TAL1: variants seen among roughly 807,000 people sequenced by gnomAD.
TAL1 encodes T-cell acute lymphocytic leukemia protein 1.
In TAL1, 8 loss-of-function variants were observed where a neutral mutation model predicts 17.9. The observed-to-expected ratio is 0.45, with a 90% confidence interval of 0.26 to 0.81. TAL1 has a LOEUF of 0.81. Ranked by LOEUF, TAL1 falls within the 30% of genes least tolerant of loss-of-function variation. The pLI is 0.17. For synonymous variants in TAL1, 223 were observed against 218.6 expected, an observed-to-expected ratio of 1.02 and a Z score of -0.18; for missense variants, 466 against 486.9, an observed-to-expected ratio of 0.96 and a Z score of 0.40.
upstream of TAL1, chr1:47,230,727 A>G (rs1569938093): frequency 1.3e-5 from 2 of 152,288 alleles, no homozygotes; most frequent in Non-Finnish European, 2.9e-5. Flanking sequence ...TGATTATTTT[A>G]ATTAAAATAG....
chr1:47,219,894 G>GGCGCCCCCCCCCCCCCCCCCCCCCCC lies in TAL1; in HGVS notation c.821_822insGGGGGGGGGGGGGGGGGGGGGGGCGC (p.Ala275GlyfsTer179). The GGCGCCCCCCCCCCCCCCCCCCCCCCC allele has an allele frequency of 6.4e-7, 1 of 1,556,036 alleles. No homozygotes were observed. Among genetic ancestry groups the GGCGCCCCCCCCCCCCCCCCCCCCCCC allele is most frequent in the Non-Finnish European group, 8.7e-7 (1 of 1,149,582 alleles). On this transcript the variant is annotated frameshift_variant, in exon 4 of 4. Transcript: ENST00000294339. LOFTEE classifies it high-confidence loss of function. ...CTTGCAGGAGGTCATCTGGGGGCGC[G>GGCGCCCCCCCCCCCCCCCCCCCCCCC]CCGCCCCCTCCCCCACCTCCACCCC...
At chr1:47,217,389 A>T (rs540912095) in exon 4 of TAL1, 250 of 238,304 alleles carry the variant, frequency 1.0e-3, no homozygotes, top group East Asian at 2.7e-3. Flanking sequence ...ACCGTCTCTC[A>T]CACACACACA....
At chr1:47,221,840 CTT>C (rs1186257890) in intron 3 of TAL1, among the ~76,000 whole-genome samples, 1 of 152,204 alleles carries the variant, frequency 6.6e-6, no homozygotes, top group African/African-American at 2.4e-5. Flanking sequence ...CTGATCATCT[CTT>C]TCTCTCTCCT....
exon 2 of TAL1, chr1:47,225,685 G>A (rs1409213596): frequency 7.0e-7 from 1 of 1,426,418 alleles, no homozygotes; most frequent in South Asian, 1.4e-5. Context: ...TCGCGGCGCC[G>A]CCCCCACCGG....
exon 4 of TAL1, chr1:47,217,097 G>T: frequency 4.3e-6 from 1 of 235,196 alleles, no homozygotes; most frequent in East Asian, 6.0e-5. Context: ...AAGACAATCT[G>T]GGCTGGGTGC....
Position 47,219,891 on chromosome 1 carries a change from C to T in TAL1, c.825G>A (p.Ala275=), listed in dbSNP as rs769810586. The change falls in exon 4 of 4, where the codon GCG becomes GCA. Residue 275 remains alanine (A), a synonymous_variant. Transcript: ENST00000294339. ...CGTCTTGCAGGAGGTCATCTGGGGG[C>T]GCGCCGCCCCCTCCCCCACCTCCAC... The T allele has an allele frequency of 1.2e-5, 19 of 1,566,248 alleles. No individual in the cohort carries two copies. The Admixed American group carries it at 1.8e-4, about 15-fold the overall frequency.
chr1:47,217,229 A>AG (rs1263331151), exon 4 of TAL1: 1 of 303,978 alleles, frequency 3.3e-6, no homozygotes, highest in African/African-American at 2.1e-5. Flanking sequence ...AAAAAAAAAA[A>AG]AAGTAAAAAT....
In TAL1 at chr1:47,219,894, G is replaced by GGCGGCCCCCCCCCCCCCCCC; in HGVS notation, c.821_822insGGGGGGGGGGGGGGGGCCGC (p.Ala275GlyfsTer177). ...CTTGCAGGAGGTCATCTGGGGGCGCGCCGCCCCCTCCCCCACCTCCACCCC... is the reference window on the plus strand; with the variant it reads ...CTTGCAGGAGGTCATCTGGGGGCGCGGCGGCCCCCCCCCCCCCCCCCCGCCCCCTCCCCCACCTCCACCCC... On this transcript the variant is annotated frameshift_variant, in exon 4 of 4. Coordinates refer to ENST00000294339, the Ensembl canonical transcript of TAL1. LOFTEE classifies it high-confidence loss of function. 6.4e-7 allele frequency: 1 copy of GGCGGCCCCCCCCCCCCCCCC among 1,556,034 alleles called. No individual in the cohort carries two copies. Among genetic ancestry groups the GGCGGCCCCCCCCCCCCCCCC allele is most frequent in the Non-Finnish European group, 8.7e-7 (1 of 1,149,580 alleles).
chr1:47,222,852 T>C (rs1337527115), intron 3 of TAL1, among the ~76,000 whole-genome samples: 2 of 152,156 alleles, frequency 1.3e-5, no homozygotes, highest in Non-Finnish European at 2.9e-5. Context: ...GCTCTGCCTC[T>C]TCTGCCTATT....
intron 1 of TAL1, 28 bp downstream of exon 2, chr1:47,229,168 C>T (rs759930391): frequency 2.1e-4 from 38 of 178,076 alleles, no homozygotes; most frequent in Non-Finnish European, 4.3e-4. Flanking sequence ...ACACCGTTTC[C>T]ACCGGCACCA....
chr1:47,218,822 T>A (rs1569882697), exon 4 of TAL1: 2 of 236,126 alleles, frequency 8.5e-6, no homozygotes, highest in East Asian at 1.2e-4. Context: ...GGGCTGCGCA[T>A]CTACTCAGCA....
chr1:47,216,730 T>C (rs925461980), exon 4 of TAL1: 1 of 231,522 alleles, frequency 4.3e-6, no homozygotes, highest in African/African-American at 2.2e-5. Flanking sequence ...TAAAAGAATA[T>C]GAATTTGTCT....
At position 47,220,186 on chromosome 1, in the gene TAL1, G is replaced by C; in HGVS notation, c.542-12C>G. The C allele has an allele frequency of 2.0e-6, 3 of 1,529,942 alleles. No homozygotes were observed. Among genetic ancestry groups the C allele is most frequent in the Non-Finnish European group, 2.6e-6 (3 of 1,133,588 alleles). The allele number at this position is 1,529,942 out of a possible 1,614,324, so 94.8% of individuals were successfully genotyped here. On this transcript the variant is annotated splice_polypyrimidine_tract_variant and intron_variant, in intron 3 of 3. Transcript: ENST00000294339. ...TTTGGTGTGGGGACCTGGAGATTAG[G>C]AGGACAAGAGTTAGGAGAATGGGCT...
At chr1:47,217,826 ACT>A (rs1424619000) in exon 4 of TAL1, 10 of 398,330 alleles carry the variant, frequency 2.5e-5, no homozygotes, top group African/African-American at 2.1e-4. Flanking sequence ...TACAGCAATG[ACT>A]CTATCTTTAG....
chr1:47,219,002 C>A, exon 4 of TAL1: 1 of 281,478 alleles, frequency 3.6e-6, no homozygotes, highest in Non-Finnish European at 6.8e-6. Context: ...GGGCTGCAGA[C>A]ATTGTCTCCA....
intron 3 of TAL1, 106 bp downstream of exon 4, chr1:47,223,898 G>T (rs1350610113): frequency 4.4e-6 from 5 of 1,138,868 alleles, no homozygotes; most frequent in Non-Finnish European, 6.5e-6. Context: ...AAAGTGGCCC[G>T]CCCATCTTTG....
chr1:47,225,521 G>A, exon 2 of TAL1: 5 of 1,239,762 alleles, frequency 4.0e-6, no homozygotes, highest in Non-Finnish European at 5.0e-6. Context: ...CAGCGCGGGA[G>A]GACTCAGCTG....
chr1:47,225,632 T>G (rs975592160), exon 2 of TAL1: 1 of 1,383,952 alleles, frequency 7.2e-7, no homozygotes, highest in Non-Finnish European at 9.3e-7. Context: ...GGGCACCCGA[T>G]GGCGCGCTTC....
At position 47,218,728 on chromosome 1, in the gene TAL1, A is replaced by G. The variant is rs1342052041; in HGVS notation, c.*992T>C. 2.1e-5 allele frequency: 5 copies of G among 233,116 alleles called. No individual in the cohort carries two copies. In the East Asian group the frequency reaches 2.4e-4, roughly 11 times the overall value. The allele number at this position is 233,116 out of a possible 1,614,324, so 14.4% of individuals were successfully genotyped here. A position where few individuals can be genotyped will look rare whatever the true frequency, so the allele number is the denominator to read the frequency against. On this transcript the variant is annotated 3_prime_UTR_variant, in exon 4 of 4. Transcript: ENST00000294339. ...ATTCATAGGACAGGTTTTGTGCTCA[A>G]TTCGGAACATAGACCAGACCATCAG... is the stretch of plus-strand genomic sequence containing the variant.
Sources: gnomAD v4.1 joint callset for allele counts (sites outside exome capture counted in the v4.1 genomes callset) on GRCh38, gnomAD v4.1.1 for gene constraint, MANE v1.5 for transcripts, NCBI Gene and HGNC (gene_info 2026-07-23, HGNC 2026-07-21) for gene names.